Variants in STON2 observed in about 807,000 individuals in gnomAD.
The protein encoded by STON2 is stonin-2.
Under a neutral mutation model 65.7 loss-of-function variants are expected in STON2, and 29 were observed. The ratio of observed to expected loss-of-function variants is 0.44; its 90% confidence interval spans 0.33 to 0.60. STON2 has a LOEUF of 0.60. STON2 is among the 20% of genes least tolerant of loss of function. The pLI is 0.03. For missense variants in STON2, 1,054 were observed against 1,118.1 expected (o/e 0.94, Z 0.82); for synonymous variants, 404 against 414.2 (o/e 0.98, Z 0.30).
chr14:81,282,032 A>G (rs1280247940), intron 5 of STON2, among the ~76,000 whole-genome samples: 1 of 152,232 alleles, frequency 6.6e-6, no homozygotes, highest in East Asian at 1.9e-4. Context: ...TTTCTATGAA[A>G]TAATTTATTT....
At chr14:81,314,473 G>C (rs1463801104) in intron 5 of STON2, among the ~76,000 whole-genome samples, 1 of 152,250 alleles carries the variant, frequency 6.6e-6, no homozygotes, top group Non-Finnish European at 1.5e-5. Flanking sequence ...AGATGTATTT[G>C]TAAACCAGCA....
intron 4 of STON2, among the ~76,000 whole-genome samples, chr14:81,365,340 T>C (rs72703724): frequency 0.031 from 4,725 of 152,280 alleles, 117 homozygotes; most frequent in South Asian, 0.075. Flanking sequence ...AGCTATACAT[T>C]CAAGGGTACA....
At chr14:81,337,787 G>T (rs994545684) in intron 4 of STON2, among the ~76,000 whole-genome samples, 3 of 152,018 alleles carry the variant, frequency 2.0e-5, no homozygotes, top group African/African-American at 7.3e-5. Flanking sequence ...TATGTATGGG[G>T]GTGTCACATT....
chr14:81,318,047 C>A (rs1397803459), intron 5 of STON2, among the ~76,000 whole-genome samples: 2 of 152,068 alleles, frequency 1.3e-5, no homozygotes, highest in Non-Finnish European at 2.9e-5. Context: ...CTCACTGCAA[C>A]CTTCACCTCC....
rs926771833 is a variant in STON2 at position 81,265,444 on chromosome 14, C to T, written c.*2970G>A. ...CTGAGGCAGGCTTATCACCTGAGGT[C>T]AGACATTCGAGACCAGCCTGGCCAA... On this transcript the variant is annotated 3_prime_UTR_variant, in exon 8 of 8. Coordinates refer to ENST00000614646, the MANE Select transcript of STON2 (RefSeq NM_001394390.1). 1.6e-5 allele frequency: 11 copies of T among 702,464 alleles called. No homozygotes were observed. Among genetic ancestry groups the T allele is most frequent in the Middle Eastern group, 7.1e-4 (1 of 1,402 alleles). The allele number at this position is 702,464 out of a possible 1,614,324, so 43.5% of individuals were successfully genotyped here.
intron 1 of STON2, chr14:81,436,167 C>G (rs1308103864): frequency 6.6e-6 from 1 of 152,066 alleles, no homozygotes; most frequent in Non-Finnish European, 1.5e-5. Flanking sequence ...CGTGGCTCGA[C>G]CAGGCAGGCT....
chr14:81,271,056 G>A (rs527453941), intron 6 of STON2, among the ~76,000 whole-genome samples, 184 bp from the exon 7 acceptor site: 294 of 152,302 alleles, frequency 1.9e-3, no homozygotes, highest in Non-Finnish European at 3.2e-3. Flanking sequence ...GTATGCCTCA[G>A]CCCCTCGATA....
intron 4 of STON2, among the ~76,000 whole-genome samples, chr14:81,367,181 T>C (rs991102405): frequency 6.6e-6 from 1 of 151,192 alleles, no homozygotes; most frequent in Non-Finnish European, 1.5e-5. Context: ...ATTTTTTTCT[T>C]CCTTTTTTTT....
chr14:81,386,182 A>C (rs1259636933), intron 3 of STON2, among the ~76,000 whole-genome samples: 1 of 152,230 alleles, frequency 6.6e-6, no homozygotes, highest in African/African-American at 2.4e-5. Context: ...CACAAAGGTC[A>C]TTAACTACAT....
chr14:81,351,178 CTTT>C (rs370421507), intron 4 of STON2, among the ~76,000 whole-genome samples: 1 of 127,912 alleles, frequency 7.8e-6, no homozygotes, highest in Non-Finnish European at 1.7e-5. Context: ...GTAAGCTCTT[CTTT>C]TTTTTTTTTT....
chr14:81,364,391 C>A (rs563496573), intron 4 of STON2, among the ~76,000 whole-genome samples: 1 of 152,252 alleles, frequency 6.6e-6, no homozygotes, highest in East Asian at 1.9e-4. Flanking sequence ...GTAAGGCTAA[C>A]TTTATAAAGT....
intron 4 of STON2, among the ~76,000 whole-genome samples, chr14:81,339,429 G>T (rs1350146761): frequency 2.6e-5 from 4 of 152,136 alleles, no homozygotes; most frequent in African/African-American, 9.7e-5. Context: ...TGGCAGCTCA[G>T]GGGCAGGCAA....
intron 3 of STON2, among the ~76,000 whole-genome samples, chr14:81,375,507 T>C (rs181146098): frequency 6.6e-6 from 1 of 152,034 alleles, no homozygotes; most frequent in Non-Finnish European, 1.5e-5. Context: ...TAAACTTGGA[T>C]ATATTTAATA....
intron 4 of STON2, among the ~76,000 whole-genome samples, chr14:81,357,820 T>C (rs1376428517): frequency 7.0e-6 from 1 of 143,438 alleles, no homozygotes; most frequent in Non-Finnish European, 1.5e-5. Context: ...TTCTCACTTA[T>C]AGGTGGGAAT....
chr14:81,366,738 G>A (rs1207533087), intron 4 of STON2, among the ~76,000 whole-genome samples: 2 of 152,206 alleles, frequency 1.3e-5, no homozygotes, highest in East Asian at 3.9e-4. Flanking sequence ...TATAGTTTGA[G>A]TAACAGCTTT....
At chr14:81,372,296 G>C (rs933711972) in intron 3 of STON2, among the ~76,000 whole-genome samples, 5 of 152,136 alleles carry the variant, frequency 3.3e-5, no homozygotes, top group African/African-American at 1.2e-4. Flanking sequence ...GCTCACGCCT[G>C]TAATCCCAGG....
intron 6 of STON2, 67 bp from the exon 7 acceptor site, chr14:81,270,939 G>C (rs1204221900): frequency 6.4e-7 from 1 of 1,559,666 alleles, no homozygotes; most frequent in Non-Finnish European, 8.6e-7. Flanking sequence ...AGCCAAAGGA[G>C]CCACTTTGGT....
intron 4 of STON2, among the ~76,000 whole-genome samples, chr14:81,352,553 G>A (rs1481899841): frequency 6.6e-6 from 1 of 152,142 alleles, no homozygotes; most frequent in Non-Finnish European, 1.5e-5. Context: ...GGGAACAGAG[G>A]AGTGACCCTT....
chr14:81,294,428 A>G (rs1895682122), intron 5 of STON2, among the ~76,000 whole-genome samples: 1 of 152,150 alleles, frequency 6.6e-6, no homozygotes, highest in African/African-American at 2.4e-5. Context: ...CTATGGCTCC[A>G]TGCTGGTTCA....
Sources: gnomAD v4.1 joint callset for allele counts (sites outside exome capture counted in the v4.1 genomes callset) on GRCh38, gnomAD v4.1.1 for gene constraint, MANE v1.5 for transcripts, NCBI Gene and HGNC (gene_info 2026-07-23, HGNC 2026-07-21) for gene names.